Variants in ARFIP1 observed in about 807,000 individuals in gnomAD.
ARFIP1 encodes the protein arfaptin-1.
In ARFIP1, 24 loss-of-function variants were observed where a neutral mutation model predicts 42.5. The observed-to-expected ratio is 0.57, with a 90% CI of 0.41 to 0.80. ARFIP1 has a LOEUF of 0.80. Among genes scored for constraint, ARFIP1 ranks in the 30% least tolerant of loss-of-function variants. The probability of loss-of-function intolerance (pLI) is 0.00; values close to 1 mark genes in which losing one functional copy is unlikely to be tolerated. For synonymous variants in ARFIP1, 141 were observed against 153.7 expected, an observed-to-expected ratio of 0.92 and a Z score of 0.61; for missense variants, 354 against 434.0, an observed-to-expected ratio of 0.82 and a Z score of 1.64.
At chr4:152,865,615 C>A (rs1042514613) in intron 3 of ARFIP1, among the ~76,000 whole-genome samples, 2 of 151,990 alleles carry the variant, frequency 1.3e-5, no homozygotes, top group African/African-American at 2.4e-5. Flanking sequence ...ATTTTTTTCT[C>A]TTTTCATACT....
At chr4:152,807,717 T>G (rs1447199584) in intron 1 of ARFIP1, among the ~76,000 whole-genome samples, 6 of 148,206 alleles carry the variant, frequency 4.0e-5, no homozygotes, top group South Asian at 2.1e-4. Flanking sequence ...CACCTTTTTG[T>G]TTTTTTTTTG....
chr4:152,901,633 A>C (rs564618091), intron 8 of ARFIP1, among the ~76,000 whole-genome samples: 1 of 152,302 alleles, frequency 6.6e-6, no homozygotes, highest in East Asian at 1.9e-4. Context: ...CCGCCATTCC[A>C]TTATAATTGT....
chr4:152,814,032 G>A (rs1338257200), intron 1 of ARFIP1, among the ~76,000 whole-genome samples: 2 of 150,492 alleles, frequency 1.3e-5, no homozygotes, highest in Non-Finnish European at 3.0e-5. Context: ...TCCTTTATTC[G>A]ATATAGAATT....
At chr4:152,815,938 G>T (rs1390623914) in intron 1 of ARFIP1, among the ~76,000 whole-genome samples, 4 of 151,710 alleles carry the variant, frequency 2.6e-5, no homozygotes, top group African/African-American at 9.7e-5. Context: ...TAGAGACGGG[G>T]TTTCACCGTT....
intron 2 of ARFIP1, among the ~76,000 whole-genome samples, chr4:152,846,744 C>T (rs1405490941): frequency 6.6e-6 from 1 of 152,058 alleles, no homozygotes; most frequent in Non-Finnish European, 1.5e-5. Context: ...TTCTGAGGTA[C>T]TTTACTTATA....
At chr4:152,789,685 A>G (rs1731037241) in intron 1 of ARFIP1, among the ~76,000 whole-genome samples, 1 of 152,094 alleles carries the variant, frequency 6.6e-6, no homozygotes, top group Non-Finnish European at 1.5e-5. Flanking sequence ...ACTCATGGAT[A>G]TTTATTTTAT....
At chr4:152,832,333 G>GTA (rs1297208085) in intron 2 of ARFIP1, among the ~76,000 whole-genome samples, 2 of 152,302 alleles carry the variant, frequency 1.3e-5, no homozygotes, top group East Asian at 3.9e-4. Context: ...TGATGACTAT[G>GTA]ATGTTGAGCA....
intron 1 of ARFIP1, among the ~76,000 whole-genome samples, chr4:152,787,165 T>C (rs1456543142): frequency 1.3e-5 from 2 of 152,202 alleles, no homozygotes; most frequent in African/African-American, 4.8e-5. Context: ...ATTTGACTCA[T>C]TAAATTTCCA....
intron 8 of ARFIP1, among the ~76,000 whole-genome samples, chr4:152,907,162 C>T (rs539276146): frequency 1.3e-5 from 2 of 152,090 alleles, no homozygotes; most frequent in Non-Finnish European, 2.9e-5. Flanking sequence ...TGCTTGCATT[C>T]CCAACCCCTA....
At chr4:152,876,026 A>G (rs560982183) in intron 5 of ARFIP1, among the ~76,000 whole-genome samples, 2 of 152,274 alleles carry the variant, frequency 1.3e-5, no homozygotes, top group South Asian at 4.2e-4. Flanking sequence ...CTCCCCAGCC[A>G]TGTGGAACTG....
At chr4:152,820,634 A>G (rs146494372) in intron 1 of ARFIP1, among the ~76,000 whole-genome samples, 100 of 152,248 alleles carry the variant, frequency 6.6e-4, no homozygotes, top group African/African-American at 2.3e-3. Context: ...GGGAAGTGCT[A>G]CACACTTTGA....
At chr4:152,828,487 C>T (rs1224374463) in intron 1 of ARFIP1, among the ~76,000 whole-genome samples, 7 of 152,192 alleles carry the variant, frequency 4.6e-5, no homozygotes, top group Non-Finnish European at 8.8e-5. Context: ...TTTTCATATG[C>T]TTACTAGCCA....
At chr4:152,828,933 A>C (rs775981050) in intron 1 of ARFIP1, among the ~76,000 whole-genome samples, 1 of 152,150 alleles carries the variant, frequency 6.6e-6, no homozygotes, top group Non-Finnish European at 1.5e-5. Context: ...CATTTTTTGC[A>C]TGTGGATGTC....
intron 1 of ARFIP1, among the ~76,000 whole-genome samples, chr4:152,815,738 C>CTTTTT (rs1218298842): frequency 1.1e-3 from 98 of 85,550 alleles, no homozygotes; most frequent in African/African-American, 1.4e-3. Flanking sequence ...CTGACCACTT[C>CTTTTT]TTTTTTTTTT....
intron 1 of ARFIP1, among the ~76,000 whole-genome samples, chr4:152,800,949 A>G (rs1026215153): frequency 6.6e-6 from 1 of 152,206 alleles, no homozygotes; most frequent in African/African-American, 2.4e-5. Flanking sequence ...CTACTTGAAC[A>G]AAAGCACAGA....
chr4:152,804,060 A>G (rs1305641781), intron 1 of ARFIP1, among the ~76,000 whole-genome samples: 1 of 121,434 alleles, frequency 8.2e-6, no homozygotes, highest in Non-Finnish European at 1.6e-5. Flanking sequence ...ATATAATATA[A>G]CATGTAATAT....
At chr4:152,871,463 C>G (rs913590372) in intron 4 of ARFIP1, among the ~76,000 whole-genome samples, 21 of 152,040 alleles carry the variant, frequency 1.4e-4, no homozygotes, top group African/African-American at 4.8e-4. Context: ...GAAATGTTAA[C>G]ATTTATATTT....
chr4:152,804,402 A>G (rs1282912812), intron 1 of ARFIP1, among the ~76,000 whole-genome samples: 1 of 106,146 alleles, frequency 9.4e-6, no homozygotes. Flanking sequence ...TATTATATAT[A>G]ATATAACATG....
intron 8 of ARFIP1, among the ~76,000 whole-genome samples, chr4:152,908,891 A>AGTGTGTGT (rs58362465): frequency 0.023 from 3,099 of 132,506 alleles, 52 homozygotes; most frequent in East Asian, 0.037. Flanking sequence ...GCTAGAGAGA[A>AGTGTGTGT]GTGTGTGTGT....
Sources: allele counts gnomAD v4.1 joint callset (sites outside exome capture counted in the v4.1 genomes callset), GRCh38; gene constraint gnomAD v4.1.1; transcripts MANE v1.5; gene names NCBI Gene and HGNC (gene_info 2026-07-23, HGNC 2026-07-21).